GRID2: variants seen among roughly 807,000 people sequenced by gnomAD.
GRID2 encodes the protein glutamate ionotropic receptor delta type subunit 2, also known as glutamate receptor ionotropic, delta-2.
GRID2 carries 33 observed loss-of-function variants against 114.8 expected under a neutral mutation model. That is an observed-to-expected ratio of 0.29 (90% CI 0.22 to 0.38). The LOEUF is 0.38. Ranked by LOEUF, GRID2 falls within the 10% of genes least tolerant of loss-of-function variation. The pLI, the probability that GRID2 is intolerant of heterozygous loss-of-function variation, is 1.00. For synonymous variants in GRID2, 505 were observed against 449.9 expected (o/e 1.12, Z -1.55); for missense variants, 1,184 against 1,257.7 (o/e 0.94, Z 0.89).
Position 93,328,077 on chromosome 4 carries a change from C to T in GRID2, c.1246-67530C>T, listed in dbSNP as rs531400589. 2.6e-5 allele frequency among the ~76,000 whole-genome samples: 4 copies of T among 151,908 alleles called. No homozygotes were observed. The East Asian group carries it at 7.8e-4, about 29-fold the overall frequency. Reference sequence around the variant, plus strand: ...ACCTGTAATCCCAGCACTTTCGCGCCACTGCACTCCAGCCTGGGTGAACGA... The same window carrying T: ...ACCTGTAATCCCAGCACTTTCGCGCTACTGCACTCCAGCCTGGGTGAACGA... On this transcript the variant is annotated intron_variant, in intron 8 of 15. Transcript: ENST00000282020.
intron 10 of GRID2, among the ~76,000 whole-genome samples, chr4:93,446,823 A>G (rs796092394): frequency 1.4e-4 from 22 of 152,102 alleles, no homozygotes; most frequent in African/African-American, 5.3e-4. Flanking sequence ...GAGTTTTGAT[A>G]GAGAAGACTG....
At chr4:93,257,999 T>TACAC (rs3970979) in intron 8 of GRID2, among the ~76,000 whole-genome samples, 93 of 36,004 alleles carry the variant, frequency 2.6e-3, no homozygotes, top group East Asian at 0.018. Context: ...TATATATATA[T>TACAC]ACACACACAC....
intron 6 of GRID2, among the ~76,000 whole-genome samples, chr4:93,219,764 A>C (rs1744662782): frequency 6.6e-6 from 1 of 152,168 alleles, no homozygotes; most frequent in Admixed American, 6.6e-5. Flanking sequence ...TGCTTAGTGG[A>C]ACTAATGTTA....
chr4:92,331,836 G>A (rs1726905213), intron 1 of GRID2, among the ~76,000 whole-genome samples: 1 of 152,128 alleles, frequency 6.6e-6, no homozygotes, highest in African/African-American at 2.4e-5. Flanking sequence ...ACACAATAGA[G>A]GCAGGAACAC....
intron 2 of GRID2, among the ~76,000 whole-genome samples, chr4:93,060,700 T>C (rs958915163): frequency 8.5e-5 from 13 of 152,124 alleles, no homozygotes; most frequent in African/African-American, 3.1e-4. Context: ...CCTAATGACT[T>C]TGTTTTAGTT....
At chr4:92,583,972 T>G in intron 1 of GRID2, among the ~76,000 whole-genome samples, 1 of 151,234 alleles carries the variant, frequency 6.6e-6, no homozygotes, top group Middle Eastern at 3.5e-3. Flanking sequence ...TGTAATGATA[T>G]CCCACTGAAA....
intron 1 of GRID2, among the ~76,000 whole-genome samples, chr4:92,329,627 T>C (rs1469007596): frequency 2.0e-5 from 3 of 152,024 alleles, no homozygotes; most frequent in African/African-American, 7.2e-5. Flanking sequence ...ATTTTGATAT[T>C]TAGCACATTT....
intron 4 of GRID2, among the ~76,000 whole-genome samples, chr4:93,116,634 A>G (rs866462848): frequency 6.6e-6 from 1 of 152,074 alleles, no homozygotes; most frequent in Non-Finnish European, 1.5e-5. Context: ...GTGCATCCTT[A>G]AAATCAGATA....
chr4:92,541,907 A>G (rs7661849), intron 1 of GRID2, among the ~76,000 whole-genome samples: 67,212 of 151,918 alleles, frequency 0.44, 15,006 homozygotes, highest in Middle Eastern at 0.56. Context: ...CATAGAAAAA[A>G]GAAGAGGAAG....
At chr4:93,150,023 C>T (rs1327630376) in intron 4 of GRID2, among the ~76,000 whole-genome samples, 1 of 151,772 alleles carries the variant, frequency 6.6e-6, no homozygotes, top group Non-Finnish European at 1.5e-5. Context: ...TTTTGCACTT[C>T]GACAGAGGGC....
At position 92,304,715 on chromosome 4, in the gene GRID2, C is replaced by T. The variant is rs538076349; in HGVS notation, c.59C>T (p.Ser20Leu). ...LSVWWSRTWDSANADSIIHIG... is the reference protein window; with the variant it reads ...LSVWWSRTWDLANADSIIHIG... ...GTCTGGTGGTCTCGAACCTGGGACT[C>T]GGCGAATGCGGATTCGATCATTCAC... Residue 20 changes from serine to leucine, a missense_variant, in exon 1 of 16, where the codon TCG (serine) becomes TTG (leucine). Ser to Leu is a moderately radical substitution (Grantham distance 145, BLOSUM62 -2). Transcript: ENST00000282020. 3 of 1,613,126 alleles carry T rather than the reference C, an allele frequency of 1.9e-6. No homozygotes were observed. Among genetic ancestry groups the T allele is most frequent in the East Asian group, 4.5e-5 (2 of 44,864 alleles).
chr4:93,520,958 G>C (rs1485240365), intron 13 of GRID2, among the ~76,000 whole-genome samples: 1 of 152,092 alleles, frequency 6.6e-6, no homozygotes, highest in East Asian at 1.9e-4. Flanking sequence ...TTAGTGAGGA[G>C]GCCACTGTAA....
chr4:93,110,619 T>G (rs1251967546), intron 3 of GRID2, 129 bp from the exon 4 acceptor site: 12 of 683,796 alleles, frequency 1.8e-5, no homozygotes, highest in Non-Finnish European at 3.2e-5. Flanking sequence ...TTCCGTCAGC[T>G]ACTCAGTTGG....
At chr4:93,544,515 C>T (rs1049203305) in intron 13 of GRID2, among the ~76,000 whole-genome samples, 2 of 152,066 alleles carry the variant, frequency 1.3e-5, no homozygotes, top group Non-Finnish European at 2.9e-5. Flanking sequence ...CGGTGGCTGA[C>T]ACCTGTAATC....
At chr4:92,596,413 A>G (rs917056474) in intron 2 of GRID2, among the ~76,000 whole-genome samples, 6 of 152,062 alleles carry the variant, frequency 3.9e-5, no homozygotes, top group Non-Finnish European at 7.4e-5. Flanking sequence ...TTGAACAGCC[A>G]TCTCCAAACA....
chr4:92,754,435 ACT>A (rs781088895), intron 2 of GRID2, among the ~76,000 whole-genome samples: 18 of 152,134 alleles, frequency 1.2e-4, no homozygotes, highest in Non-Finnish European at 2.4e-4. Context: ...GAGCCTATAA[ACT>A]ATAGGATCAA....
intron 14 of GRID2, among the ~76,000 whole-genome samples, chr4:93,743,328 A>C (rs1731572003): frequency 6.6e-6 from 1 of 152,236 alleles, no homozygotes; most frequent in Admixed American, 6.5e-5. Context: ...ACGGGTGCTA[A>C]CATGGAAGCT....
At chr4:92,806,166 G>GACACACAC (rs56070810) in intron 2 of GRID2, among the ~76,000 whole-genome samples, 633 of 133,322 alleles carry the variant, frequency 4.7e-3, no homozygotes, top group African/African-American at 0.011. Context: ...ATAGGCTATC[G>GACACACAC]ACACACACAC....
intron 4 of GRID2, among the ~76,000 whole-genome samples, chr4:93,161,580 A>C (rs1737686430): frequency 6.6e-6 from 1 of 151,824 alleles, no homozygotes; most frequent in African/African-American, 2.4e-5. Context: ...CTACATAATT[A>C]TCGTTCATGT....
Sources: allele counts gnomAD v4.1 joint callset (sites outside exome capture counted in the v4.1 genomes callset), GRCh38; gene constraint gnomAD v4.1.1; transcripts MANE v1.5; gene names NCBI Gene and HGNC (gene_info 2026-07-23, HGNC 2026-07-21).